RBFOX2: variants seen among roughly 807,000 people sequenced by gnomAD.
RBFOX2 encodes the protein RNA binding fox-1 homolog 2, also known as RNA binding protein fox-1 homolog 2.
Under a neutral mutation model 49.1 loss-of-function variants are expected in RBFOX2, and 10 were observed. The observed-to-expected ratio is 0.20, with a 90% CI of 0.13 to 0.35. RBFOX2 has a LOEUF of 0.35. Ranked by LOEUF, RBFOX2 falls within the 10% of genes least tolerant of loss-of-function variation. RBFOX2 has a pLI of 1.00. For missense variants in RBFOX2, 323 were observed against 486.9 expected, an observed-to-expected ratio of 0.66 and a Z score of 3.17; for synonymous variants, 183 against 187.4, an observed-to-expected ratio of 0.98 and a Z score of 0.19.
intron 1 of RBFOX2, among the ~76,000 whole-genome samples, chr22:35,821,184 AG>A (rs1187070960): frequency 6.6e-6 from 1 of 152,234 alleles, no homozygotes; most frequent in Non-Finnish European, 1.5e-5. Flanking sequence ...TATCTTTGAT[AG>A]TTATTTCCAG....
intron 1 of RBFOX2, among the ~76,000 whole-genome samples, chr22:35,852,071 C>A (rs1045666046): frequency 2.2e-4 from 33 of 149,814 alleles, no homozygotes; most frequent in African/African-American, 7.7e-4. Context: ...ATAAAAAAAA[C>A]CCAATACTGT....
intron 1 of RBFOX2, among the ~76,000 whole-genome samples, chr22:35,978,710 G>T (rs2057315884): frequency 6.6e-6 from 1 of 152,158 alleles, no homozygotes; most frequent in Non-Finnish European, 1.5e-5. Context: ...TATAATTATA[G>T]AAATGGACTA....
At chr22:35,933,817 GCCCTTTCTTCTC>G (rs1341779376) in intron 1 of RBFOX2, among the ~76,000 whole-genome samples, 2 of 151,408 alleles carry the variant, frequency 1.3e-5, no homozygotes, top group Non-Finnish European at 2.9e-5. Flanking sequence ...TTGCCCCCAA[GCCCTTTCTTCTC>G]CCAGTAGCTG....
chr22:35,895,495 G>A (rs991238751), intron 1 of RBFOX2, among the ~76,000 whole-genome samples: 4 of 152,056 alleles, frequency 2.6e-5, no homozygotes, highest in Non-Finnish European at 4.4e-5. Context: ...TATTCTTTAC[G>A]TCATTTCACC....
rs534202848 is a variant in RBFOX2 at position 35,795,061 on chromosome 22, G to A, written c.253-13315C>T. ...TGCATAATTCTAAATTTGGTTTTCT[G>A]TGGCAACTCTCACATTCTCAAACCA... On this transcript the variant is annotated intron_variant, in intron 2 of 11. Coordinates refer to ENST00000405409, the Ensembl canonical transcript of RBFOX2. 3.3e-5 allele frequency among the ~76,000 whole-genome samples: 5 copies of A among 152,248 alleles called. No homozygotes were observed. The East Asian group carries it at 9.7e-4, about 29-fold the overall frequency.
upstream of RBFOX2, among the ~76,000 whole-genome samples, chr22:35,842,007 A>T (rs2040556575): frequency 6.6e-6 from 1 of 152,242 alleles, no homozygotes; most frequent in Non-Finnish European, 1.5e-5. Context: ...AGCCAAGGCA[A>T]CATGGCAAAT....
At chr22:35,908,544 G>A (rs9607293) in intron 1 of RBFOX2, among the ~76,000 whole-genome samples, 18,860 of 152,158 alleles carry the variant, frequency 0.12, 1,358 homozygotes, top group Middle Eastern at 0.27. Context: ...GGTTTCTACT[G>A]AATGAACATT....
chr22:35,966,555 G>A (rs950606908), upstream of RBFOX2, among the ~76,000 whole-genome samples: 5 of 152,080 alleles, frequency 3.3e-5, no homozygotes, highest in East Asian at 1.9e-4. Flanking sequence ...ATATCTCATC[G>A]TGGTTATTTG....
intron 1 of RBFOX2, among the ~76,000 whole-genome samples, chr22:35,832,439 A>G (rs1314978632): frequency 1.3e-5 from 2 of 152,210 alleles, no homozygotes; most frequent in African/African-American, 4.8e-5. Flanking sequence ...TATAACAAAG[A>G]TATGATACTT....
intron 1 of RBFOX2, among the ~76,000 whole-genome samples, chr22:35,977,673 T>C (rs929357980): frequency 6.8e-6 from 1 of 147,126 alleles, no homozygotes; most frequent in Non-Finnish European, 1.5e-5. Flanking sequence ...CATAGAAATG[T>C]AGCCTTAAAA....
chr22:36,028,268 G>A, exon 1 of RBFOX2: 1 of 1,532,360 alleles, frequency 6.5e-7, no homozygotes, highest in Non-Finnish European at 8.7e-7. Flanking sequence ...GTCGGCCGCC[G>A]CCTCCTCAGT....
chr22:35,966,328 T>TATAC (rs2056556411), upstream of RBFOX2, among the ~76,000 whole-genome samples: 1 of 152,224 alleles, frequency 6.6e-6, no homozygotes, highest in South Asian at 2.1e-4. Flanking sequence ...TGCACACATG[T>TATAC]ATACATTTCG....
chr22:35,803,902 T>C (rs1950219988), intron 2 of RBFOX2, among the ~76,000 whole-genome samples: 1 of 152,098 alleles, frequency 6.6e-6, no homozygotes, highest in South Asian at 2.1e-4. Flanking sequence ...CCAAGAAAAA[T>C]GAATAGAACT....
intron 1 of RBFOX2, among the ~76,000 whole-genome samples, chr22:35,899,070 G>A (rs546110560): frequency 3.7e-4 from 56 of 151,742 alleles, no homozygotes; most frequent in African/African-American, 1.3e-3. Flanking sequence ...GTGAGCCGAG[G>A]TCTAGCCATT....
At chr22:36,022,177 T>C (rs2059269814) in intron 1 of RBFOX2, among the ~76,000 whole-genome samples, 1 of 152,216 alleles carries the variant, frequency 6.6e-6, no homozygotes, top group South Asian at 2.1e-4. Context: ...TATTAAAGCC[T>C]GACATCAAAC....
intron 1 of RBFOX2, among the ~76,000 whole-genome samples, chr22:36,017,346 G>A (rs573847840): frequency 3.3e-5 from 5 of 152,012 alleles, no homozygotes; most frequent in Non-Finnish European, 7.4e-5. Context: ...GGCCAACATG[G>A]TGAAACCCTG....
intron 1 of RBFOX2, among the ~76,000 whole-genome samples, chr22:35,909,043 T>C (rs1472959659): frequency 6.6e-6 from 1 of 152,144 alleles, no homozygotes; most frequent in African/African-American, 2.4e-5. Context: ...AGGGTTTCAC[T>C]GTGTTAGTCA....
intron 4 of RBFOX2, among the ~76,000 whole-genome samples, chr22:35,773,662 A>G (rs1037310684): frequency 6.6e-6 from 1 of 152,144 alleles, no homozygotes; most frequent in African/African-American, 2.4e-5. Context: ...CACTATCTGA[A>G]GAGCTGAACA....
chr22:36,018,602 G>A (rs1467755186), intron 1 of RBFOX2, among the ~76,000 whole-genome samples: 1 of 152,074 alleles, frequency 6.6e-6, no homozygotes. Context: ...TAAGCGTGGA[G>A]TAACAAATTG....
Sources: gnomAD v4.1 joint callset for allele counts (sites outside exome capture counted in the v4.1 genomes callset) on GRCh38, gnomAD v4.1.1 for gene constraint, MANE v1.5 for transcripts, NCBI Gene and HGNC (gene_info 2026-07-23, HGNC 2026-07-21) for gene names.